The following CFAP20DC variants were observed in gnomAD, a reference collection of about 807,000 sequenced individuals.
CFAP20DC encodes the protein protein CFAP20DC.
Under a neutral mutation model 101.7 loss-of-function variants are expected in CFAP20DC, and 84 were observed. The ratio of observed to expected loss-of-function variants is 0.83; its 90% CI spans 0.69 to 0.99. The LOEUF (loss-of-function observed/expected upper bound fraction) is 0.99. CFAP20DC is among the 50% of genes least tolerant of loss of function. The pLI, the probability that CFAP20DC is intolerant of heterozygous loss-of-function variation, is 0.00. For synonymous variants in CFAP20DC, 359 were observed against 351.2 expected, an observed-to-expected ratio of 1.02 and a Z score of -0.25; for missense variants, 1,007 against 970.3, an observed-to-expected ratio of 1.04 and a Z score of -0.50.
At chr3:58,994,056 T>C (rs1434340319) in intron 4 of CFAP20DC, among the ~76,000 whole-genome samples, 2 of 152,212 alleles carry the variant, frequency 1.3e-5, no homozygotes, top group East Asian at 3.8e-4. Flanking sequence ...TCATGGTGAA[T>C]TTCCAAGGAG....
At position 58,869,105 on chromosome 3, in the gene CFAP20DC, G is replaced by A. The variant is rs1007327222; in HGVS notation, c.1015+223C>T. 2.6e-5 allele frequency among the ~76,000 whole-genome samples: 4 copies of A among 151,946 alleles called. No individual in the cohort carries two copies. The highest frequency in any genetic ancestry group is 9.7e-5 in the African/African-American group (4 of 41,376). ...TCAGTTGCCATAAAATAAAACACAGGGTATTATAGCAATTTGAAATAATGG... is the reference window on the plus strand; with the variant it reads ...TCAGTTGCCATAAAATAAAACACAGAGTATTATAGCAATTTGAAATAATGG... On this transcript the variant is annotated intron_variant, in intron 9 of 16. Transcript: ENST00000482387. This position sits in a 1 kb window ranked among gnomAD's most constrained non-coding sequence, Gnocchi z 4.3.
chr3:58,852,515 C>T (rs201706311), intron 12 of CFAP20DC, among the ~76,000 whole-genome samples: 1 of 152,042 alleles, frequency 6.6e-6, no homozygotes. Flanking sequence ...GAACTCTCCA[C>T]CCCAAATCAA....
At position 58,729,892 on chromosome 3, in the gene CFAP20DC, C is replaced by T. The variant is rs932339127; in HGVS notation, c.198-12264G>A. Among the ~76,000 whole-genome samples, 1 of 151,928 alleles carries T rather than the reference C, an allele frequency of 6.6e-6. No homozygotes were observed. Among genetic ancestry groups the T allele is most frequent in the Non-Finnish European group, 1.5e-5 (1 of 67,988 alleles). On this transcript the variant is annotated intron_variant, in intron 3 of 3. Transcript: ENST00000486145. This position sits in a 1 kb window ranked among gnomAD's most constrained non-coding sequence, Gnocchi z 4.4. ...AATTAGCAGGGCATGATGGTGCGCA[C>T]CTGTAATCCCAGCTACTTGGGAGGC...
At chr3:58,988,721 A>G (rs966443178) in intron 4 of CFAP20DC, among the ~76,000 whole-genome samples, 16 of 152,218 alleles carry the variant, frequency 1.1e-4, no homozygotes, top group Admixed American at 3.9e-4. Context: ...CCTAAAGAGA[A>G]ATGTAAATAT....
intron 5 of CFAP20DC, among the ~76,000 whole-genome samples, chr3:58,920,280 A>G (rs538855007): frequency 1.0e-3 from 159 of 151,688 alleles, no homozygotes; most frequent in African/African-American, 3.7e-3. Context: ...ATTTGTAGAG[A>G]TGGGGGTCTC....
intron 14 of CFAP20DC, among the ~76,000 whole-genome samples, chr3:58,808,388 G>C (rs926494247): frequency 4.6e-5 from 7 of 152,214 alleles, no homozygotes; most frequent in Non-Finnish European, 1.0e-4. Flanking sequence ...CTACAAGCCA[G>C]AAAAGAGTGG....
intron 4 of CFAP20DC, among the ~76,000 whole-genome samples, chr3:58,941,187 G>C (rs1414375230): frequency 6.6e-6 from 1 of 151,292 alleles, no homozygotes; most frequent in East Asian, 1.9e-4. Context: ...AAATTAGCTG[G>C]GTGTAGTGGC....
At chr3:58,753,700 T>G (rs1348728966) in intron 16 of CFAP20DC, 69 bp downstream of exon 16, 2 of 1,038,636 alleles carry the variant, frequency 1.9e-6, no homozygotes, top group Non-Finnish European at 2.9e-6. Flanking sequence ...CATCTCAAAG[T>G]GATGGATTCT....
At chr3:58,870,425 C>T in intron 7 of CFAP20DC, 116 bp from the exon 8 acceptor site, 1 of 951,492 alleles carries the variant, frequency 1.1e-6, no homozygotes, top group Non-Finnish European at 1.6e-6. Flanking sequence ...CCCCCCTCCC[C>T]CCTCAGCATG....
chr3:59,042,132 G>C (rs1403452662), intron 3 of CFAP20DC, among the ~76,000 whole-genome samples: 1 of 152,040 alleles, frequency 6.6e-6, no homozygotes, highest in Non-Finnish European at 1.5e-5. Context: ...TGAATACACA[G>C]GAATTGACTG....
chr3:58,968,227 A>G (rs2091715384), intron 4 of CFAP20DC, among the ~76,000 whole-genome samples: 2 of 152,178 alleles, frequency 1.3e-5, no homozygotes, highest in Admixed American at 1.3e-4. Context: ...ATATATACCC[A>G]GAAATGGGAT....
chr3:58,842,603 G>A (rs985577902), intron 13 of CFAP20DC, among the ~76,000 whole-genome samples: 1 of 152,218 alleles, frequency 6.6e-6, no homozygotes, highest in Non-Finnish European at 1.5e-5. Context: ...GCCCGCCATT[G>A]CCCAGGCTTG....
chr3:58,956,936 C>A (rs930662853), intron 4 of CFAP20DC, among the ~76,000 whole-genome samples: 2 of 152,116 alleles, frequency 1.3e-5, no homozygotes, highest in African/African-American at 4.8e-5. Context: ...GAAACCACAC[C>A]CATGATCCAA....
chr3:58,976,414 AG>A (rs1447512843), intron 4 of CFAP20DC, among the ~76,000 whole-genome samples: 3 of 152,212 alleles, frequency 2.0e-5, no homozygotes, highest in Non-Finnish European at 4.4e-5. Context: ...TTGCTGAATA[AG>A]AAAGGGCAGC....
chr3:58,863,875 C>G lies in CFAP20DC; in HGVS notation c.1276G>C (p.Glu426Gln). The change falls in exon 12 of 17, where the codon GAA becomes CAA. Residue 426 changes from glutamate to glutamine, a missense_variant. By Grantham distance (29) the Glu-to-Gln change is conservative. Transcript: ENST00000482387. The surrounding 1 kb of genome is among the most constrained non-coding windows in gnomAD (Gnocchi z 5.9). Reference protein sequence around the residue: ...PDQSDEWIFPENADHISYLAS... With the variant: ...PDQSDEWIFPQNADHISYLAS... ...AGATATGAAATGTGATCAGCATTTT[C>G]AGGAAAAATCCACTCATCTGACAGT... is the stretch of plus-strand genomic sequence containing the variant. 1 of 1,610,590 alleles carries G rather than the reference C, an allele frequency of 6.2e-7. No individual in the cohort carries two copies.
intron 13 of CFAP20DC, among the ~76,000 whole-genome samples, chr3:58,844,275 C>T (rs200537537): frequency 2.0e-4 from 30 of 148,472 alleles, no homozygotes; most frequent in Admixed American, 6.0e-4. Flanking sequence ...ACCCATCTCA[C>T]GTGCAGAGAC....
At position 58,965,631 on chromosome 3, in the gene CFAP20DC, G is replaced by T. The variant is rs186527878; in HGVS notation, c.279-27869C>A. Among the ~76,000 whole-genome samples, 540 of 152,038 alleles carry T rather than the reference G, an allele frequency of 3.6e-3. 7 individuals carry two copies. The highest frequency in any genetic ancestry group is 0.012 in the African/African-American group (489 of 41,494). ...TAATATTTATTTCATATAGATAAAA[G>T]AATTAAAACTTTTTAAAATAATTTA... On this transcript the variant is annotated intron_variant, in intron 4 of 16. Coordinates refer to ENST00000482387, the MANE Select transcript of CFAP20DC (RefSeq NM_001394063.1).
chr3:59,035,547 A>C (rs2094083785), intron 4 of CFAP20DC, among the ~76,000 whole-genome samples: 1 of 152,246 alleles, frequency 6.6e-6, no homozygotes, highest in Admixed American at 6.5e-5. Context: ...AACTATCATC[A>C]GAGAATACTA....
In CFAP20DC at chr3:58,930,209, T is replaced by C. The variant is rs552605066; in HGVS notation, c.393+7439A>G. Among the ~76,000 whole-genome samples, 4 of 152,346 alleles carry C rather than the reference T, an allele frequency of 2.6e-5. No homozygotes were observed. In the South Asian group the frequency reaches 8.3e-4, roughly 32 times the overall value. Reference sequence around the variant, plus strand: ...TCATCTGACTTTAAGTTTCTGATGTTGCTTCACATCCATTCCTCCACTGCT... The same window carrying C: ...TCATCTGACTTTAAGTTTCTGATGTCGCTTCACATCCATTCCTCCACTGCT... On this transcript the variant is annotated intron_variant, in intron 5 of 16. Coordinates refer to ENST00000482387, the MANE Select transcript of CFAP20DC (RefSeq NM_001394063.1).
Sources: allele counts gnomAD v4.1 joint callset (sites outside exome capture counted in the v4.1 genomes callset), GRCh38; gene constraint gnomAD v4.1.1; non-coding constraint Gnocchi (gnomAD v3.1); transcripts MANE v1.5; gene names NCBI Gene and HGNC (gene_info 2026-07-23, HGNC 2026-07-21).